Variants in ATP8B4 observed in about 807,000 individuals in gnomAD.
The protein encoded by ATP8B4 is probable phospholipid-transporting ATPase IM.
In ATP8B4, 133 loss-of-function variants were observed where a neutral mutation model predicts 145.6. That is an observed-to-expected ratio of 0.91 (90% CI 0.79 to 1.05). ATP8B4 has a LOEUF of 1.05. ATP8B4 is among the 50% of genes least tolerant of loss of function. The probability of loss-of-function intolerance (pLI) is 0.00; values close to 1 mark genes in which losing one functional copy is unlikely to be tolerated. For synonymous variants in ATP8B4, 507 were observed against 492.9 expected (o/e 1.03, Z -0.38); for missense variants, 1,458 against 1,425.2 (o/e 1.02, Z -0.37).
At chr15:49,891,042 C>T (rs1040258295) in intron 23 of ATP8B4, among the ~76,000 whole-genome samples, 3 of 152,082 alleles carry the variant, frequency 2.0e-5, no homozygotes, top group African/African-American at 4.8e-5. Flanking sequence ...TTAGAAATTA[C>T]AAGATTTTAG....
At chr15:49,920,517 A>G in intron 17 of ATP8B4, 107 bp from the exon 18 acceptor site, 4 of 1,233,800 alleles carry the variant, frequency 3.2e-6, no homozygotes, top group Admixed American at 2.8e-5. Context: ...TTCATTTTGT[A>G]CCAAGAGCAC....
At chr15:49,894,514 C>T (rs540342067) in intron 23 of ATP8B4, among the ~76,000 whole-genome samples, 2 of 152,326 alleles carry the variant, frequency 1.3e-5, no homozygotes, top group East Asian at 3.9e-4. Flanking sequence ...GGAAAATCCA[C>T]TCTATGTCTT....
chr15:49,946,287 C>T (rs983045375), intron 14 of ATP8B4, among the ~76,000 whole-genome samples: 19 of 152,158 alleles, frequency 1.2e-4, no homozygotes, highest in African/African-American at 4.6e-4. Context: ...TAAGGAATAA[C>T]ATTAACGAAG....
intron 23 of ATP8B4, among the ~76,000 whole-genome samples, chr15:49,890,888 A>G (rs1251196880): frequency 1.3e-5 from 2 of 152,182 alleles, no homozygotes; most frequent in African/African-American, 4.8e-5. Flanking sequence ...GCTGGGGAAC[A>G]CCAGAGTTTC....
In ATP8B4 at chr15:50,119,228, T is replaced by C. The variant is rs898159593; in HGVS notation, c.-148A>G. The C allele has an allele frequency of 1.3e-5, 2 of 152,266 alleles. No homozygotes were observed. Among genetic ancestry groups the C allele is most frequent in the African/African-American group, 4.8e-5 (2 of 41,438 alleles). 9.4% of individuals were successfully genotyped at this position (152,266 alleles called of 1,614,324 possible). On this transcript the variant is annotated 5_prime_UTR_variant, in exon 1 of 28. Transcript: ENST00000284509. ...ACCATGCCAAGGAGAAAAGCAAGGC[T>C]ACTCTGAAAGCTTGAGGGATGATAC...
chr15:50,079,600 A>T (rs1018122385), intron 2 of ATP8B4, among the ~76,000 whole-genome samples: 2 of 152,228 alleles, frequency 1.3e-5, no homozygotes, highest in Admixed American at 1.3e-4. Context: ...CCTCATAAGG[A>T]AGTCATTGTT....
intron 2 of ATP8B4, among the ~76,000 whole-genome samples, chr15:50,097,462 T>C (rs1480433682): frequency 1.3e-5 from 2 of 152,242 alleles, no homozygotes; most frequent in Non-Finnish European, 2.9e-5. Flanking sequence ...TTACGGCCTG[T>C]TAGTTTGTTA....
intron 14 of ATP8B4, among the ~76,000 whole-genome samples, chr15:49,954,925 G>A (rs577001125): frequency 1.3e-5 from 2 of 152,160 alleles, no homozygotes; most frequent in Admixed American, 1.3e-4. Context: ...AATAAACCCA[G>A]ATGCCCATCA....
rs113569108 is a variant in ATP8B4, at chr15:49,955,800, T to C, written c.1287+6177A>G. On this transcript the variant is annotated intron_variant, in intron 14 of 27. Coordinates refer to ENST00000284509, the MANE Select transcript of ATP8B4 (RefSeq NM_024837.4). Reference sequence around the variant, plus strand: ...CAAATACAGAATTATTCCACTTTTATGAGATCTCTAAAGTAGTCAAACTCA... The same window carrying C: ...CAAATACAGAATTATTCCACTTTTACGAGATCTCTAAAGTAGTCAAACTCA... Among the ~76,000 whole-genome samples, 5 of 152,340 alleles carry C rather than the reference T, an allele frequency of 3.3e-5. 1 individual carries two copies. The highest frequency in any genetic ancestry group is 1.2e-4 in the African/African-American group (5 of 41,582).
chr15:50,167,984 A>T (rs1056618418), intron 1 of ATP8B4, among the ~76,000 whole-genome samples: 3 of 152,226 alleles, frequency 2.0e-5, no homozygotes, highest in African/African-American at 7.2e-5. Context: ...ACAATTCCTC[A>T]GCATACAGGT....
Position 49,917,112 on chromosome 15 carries a change from GA to G in ATP8B4, c.2036-74del. On this transcript the variant is annotated intron_variant, in intron 19 of 27. Coordinates refer to ENST00000284509, the MANE Select transcript of ATP8B4 (RefSeq NM_024837.4). ...TAAGTCCATTTTTAATGAAAGTTTT[GA>G]GGGCTTAGCTGTATTTTCTTAAAGC... 11 of 1,436,296 alleles carry G rather than the reference GA, an allele frequency of 7.7e-6. No individual in the cohort carries two copies. The South Asian group carries it at 1.3e-4, about 17-fold the overall frequency. The allele number at this position is 1,436,296 out of a possible 1,614,324, so 89.0% of individuals were successfully genotyped here. A position where few individuals can be genotyped will look rare whatever the true frequency, so the allele number is the denominator to read the frequency against.
intron 14 of ATP8B4, among the ~76,000 whole-genome samples, chr15:49,936,900 T>A (rs766280808): frequency 6.6e-6 from 1 of 151,960 alleles, no homozygotes; most frequent in Non-Finnish European, 1.5e-5. Flanking sequence ...GCCCTTCTAT[T>A]GAATGTTTTG....
At chr15:49,915,429 T>C (rs2039643074) in intron 20 of ATP8B4, among the ~76,000 whole-genome samples, 1 of 152,074 alleles carries the variant, frequency 6.6e-6, no homozygotes, top group Admixed American at 6.6e-5. Flanking sequence ...CAACCATGTA[T>C]TGTATATTTC....
intron 25 of ATP8B4, among the ~76,000 whole-genome samples, chr15:49,873,050 A>G (rs2033891281): frequency 6.6e-6 from 1 of 152,242 alleles, no homozygotes; most frequent in Non-Finnish European, 1.5e-5. Flanking sequence ...TTTTTAAAGA[A>G]ATTATTCCTG....
intron 14 of ATP8B4, among the ~76,000 whole-genome samples, chr15:49,950,615 C>CAAAAAAAAAA (rs1189915156): frequency 1.9e-4 from 15 of 79,962 alleles, no homozygotes; most frequent in Non-Finnish European, 3.4e-4. Context: ...AACAAACAAA[C>CAAAAAAAAAA]AAACAAAAAA....
intron 20 of ATP8B4, among the ~76,000 whole-genome samples, chr15:49,906,799 C>A (rs1212016728): frequency 6.6e-6 from 1 of 152,120 alleles, no homozygotes; most frequent in African/African-American, 2.4e-5. Context: ...TACTTTCCTT[C>A]ATTTCCCATC....
Position 49,876,779 on chromosome 15 carries a change from G to A in ATP8B4, c.2782-256C>T, listed in dbSNP as rs1258243461. On this transcript the variant is annotated intron_variant, in intron 24 of 27. Coordinates refer to ENST00000284509, the MANE Select transcript of ATP8B4 (RefSeq NM_024837.4). ...GAGGTCACACAGCTCGTAAGTAGCA[G>A]AACCAGGGCTTGGTTTGAGCCTAGC... The A allele has an allele frequency of 2.6e-5, 16 of 626,150 alleles. No individual in the cohort carries two copies. In the East Asian group the frequency reaches 5.1e-4, roughly 20 times the overall value. The allele number at this position is 626,150 out of a possible 1,614,324, so 38.8% of individuals were successfully genotyped here.
At chr15:49,900,149 A>T (rs1191973125) in intron 21 of ATP8B4, among the ~76,000 whole-genome samples, 2 of 152,198 alleles carry the variant, frequency 1.3e-5, no homozygotes, top group Non-Finnish European at 2.9e-5. Context: ...TGTCATGTGG[A>T]CAAACTTTCA....
Position 49,862,044 on chromosome 15 carries a change from A to T in ATP8B4, c.3297+201T>A, listed in dbSNP as rs138781580. ...GACTCCCCATCCACATTTAGTATAG[A>T]TGCCTCTCTTCATGGCACTAAGGAC... On this transcript the variant is annotated intron_variant, in intron 27 of 27. Transcript: ENST00000284509. Among the ~76,000 whole-genome samples the T allele has an allele frequency of 1.7e-3, 255 of 152,344 alleles. 4 individuals carry two copies. Among genetic ancestry groups the T allele is most frequent in the South Asian group, 7.5e-3 (36 of 4,824 alleles).
Sources: allele counts gnomAD v4.1 joint callset (sites outside exome capture counted in the v4.1 genomes callset), GRCh38; gene constraint gnomAD v4.1.1; transcripts MANE v1.5; gene names NCBI Gene and HGNC (gene_info 2026-07-23, HGNC 2026-07-21).